The following LCLAT1 variants were observed in gnomAD, a reference collection of about 807,000 sequenced individuals.
LCLAT1 encodes the protein 1-AGP acyltransferase 8.
In LCLAT1, 11 loss-of-function variants were observed where a neutral mutation model predicts 30.7. The ratio of observed to expected loss-of-function variants is 0.36; its 90% CI spans 0.23 to 0.59. The LOEUF (loss-of-function observed/expected upper bound fraction) is 0.59, where lower values mean the gene tolerates loss of function less well. Among genes scored for constraint, LCLAT1 ranks in the 20% least tolerant of loss-of-function variants. LCLAT1 has a pLI of 0.77. For synonymous variants in LCLAT1, 155 were observed against 151.3 expected, an observed-to-expected ratio of 1.02 and a Z score of -0.18; for missense variants, 402 against 458.6, an observed-to-expected ratio of 0.88 and a Z score of 1.13.
At chr2:30,498,013 A>T (rs961527703) in intron 1 of LCLAT1, among the ~76,000 whole-genome samples, 1 of 152,140 alleles carries the variant, frequency 6.6e-6, no homozygotes, top group Non-Finnish European at 1.5e-5. Context: ...CTTGCCAGTT[A>T]TATGGTCTAG....
intron 5 of LCLAT1, among the ~76,000 whole-genome samples, chr2:30,627,025 A>G (rs1328669265): frequency 6.6e-6 from 1 of 152,232 alleles, no homozygotes; most frequent in East Asian, 1.9e-4. Context: ...TTTTTTATAA[A>G]TGCTCATGGT....
rs565028996 is a variant in LCLAT1, at chr2:30,638,318, G to A, written c.629-1799G>A. Among the ~76,000 whole-genome samples, 6 of 152,306 alleles carry A rather than the reference G, an allele frequency of 3.9e-5. No individual in the cohort carries two copies. The East Asian group carries it at 1.2e-3, about 29-fold the overall frequency. On this transcript the variant is annotated intron_variant, in intron 5 of 5. Transcript: ENST00000379509. ...TGAGGTAAAATGTAAAGAGTGAAATGTGCATGTCTTAAATGTGCAATCTGA... is the reference window on the plus strand; with the variant it reads ...TGAGGTAAAATGTAAAGAGTGAAATATGCATGTCTTAAATGTGCAATCTGA...
intron 5 of LCLAT1, among the ~76,000 whole-genome samples, chr2:30,586,174 G>A (rs1044340815): frequency 2.6e-4 from 39 of 151,154 alleles, no homozygotes; most frequent in Admixed American, 1.6e-3. Flanking sequence ...AACCCGGGAG[G>A]CGGAGCTTGC....
intron 3 of LCLAT1, chr2:30,552,510 C>T (rs1572614046): frequency 2.2e-6 from 1 of 447,036 alleles, no homozygotes; most frequent in Admixed American, 2.4e-5. Context: ...ACATTTGAAA[C>T]CTAATGATAC....
At chr2:30,535,632 G>A (rs545801147) in intron 3 of LCLAT1, among the ~76,000 whole-genome samples, 2 of 152,182 alleles carry the variant, frequency 1.3e-5, no homozygotes, top group Non-Finnish European at 2.9e-5. Context: ...CTACCCAACT[G>A]AGACTGTATG....
At chr2:30,456,758 C>G (rs1469855751) in intron 1 of LCLAT1, among the ~76,000 whole-genome samples, 1 of 152,084 alleles carries the variant, frequency 6.6e-6, no homozygotes, top group African/African-American at 2.4e-5. Context: ...TCCCAAGGTC[C>G]CTACCTGGTT....
chr2:30,550,726 C>T (rs13414468), intron 3 of LCLAT1, among the ~76,000 whole-genome samples: 19,252 of 152,120 alleles, frequency 0.13, 1,350 homozygotes, highest in South Asian at 0.23. Context: ...TTTACATACT[C>T]AATCCACTAA....
chr2:30,556,558 AC>A (rs1664926638), intron 3 of LCLAT1, among the ~76,000 whole-genome samples: 1 of 152,188 alleles, frequency 6.6e-6, no homozygotes, highest in South Asian at 2.1e-4. Flanking sequence ...AACAGCATAA[AC>A]TTTTATCATA....
intron 1 of LCLAT1, among the ~76,000 whole-genome samples, chr2:30,464,672 G>C (rs1205458278): frequency 6.6e-6 from 1 of 152,046 alleles, no homozygotes; most frequent in Non-Finnish European, 1.5e-5. Context: ...TTGTATTCTT[G>C]GGGCAAATGG....
chr2:30,623,298 C>A (rs1668355400), intron 5 of LCLAT1, among the ~76,000 whole-genome samples: 1 of 152,110 alleles, frequency 6.6e-6, no homozygotes, highest in Non-Finnish European at 1.5e-5. Context: ...TTGTGATCCA[C>A]CCGCCTTGGC....
chr2:30,619,494 C>G (rs1293091899), intron 5 of LCLAT1, among the ~76,000 whole-genome samples: 3 of 152,140 alleles, frequency 2.0e-5, no homozygotes, highest in African/African-American at 7.2e-5. Flanking sequence ...AAATATGAAA[C>G]TTTACAAGAT....
intron 3 of LCLAT1, among the ~76,000 whole-genome samples, chr2:30,560,327 T>TGTGTGTG (rs1453741640): frequency 7.0e-6 from 1 of 141,888 alleles, no homozygotes; most frequent in East Asian, 2.0e-4. Context: ...TGTGTGTGTA[T>TGTGTGTG]TATTTATTTA....
At chr2:30,466,491 T>A (rs1352137388) in intron 1 of LCLAT1, among the ~76,000 whole-genome samples, 2 of 152,204 alleles carry the variant, frequency 1.3e-5, no homozygotes, top group Non-Finnish European at 2.9e-5. Flanking sequence ...ATTTGACTGC[T>A]TGATTTTAAA....
intron 3 of LCLAT1, among the ~76,000 whole-genome samples, chr2:30,557,488 C>G (rs529999779): frequency 1.3e-5 from 2 of 151,898 alleles, no homozygotes; most frequent in South Asian, 4.2e-4. Flanking sequence ...AATCTTGGCT[C>G]ACTGCAACCT....
chr2:30,456,146 C>T (rs1681823632), intron 1 of LCLAT1, among the ~76,000 whole-genome samples: 1 of 152,172 alleles, frequency 6.6e-6, no homozygotes, highest in Non-Finnish European at 1.5e-5. Flanking sequence ...TTTTGAGGAA[C>T]TGATCCATTG....
intron 1 of LCLAT1, among the ~76,000 whole-genome samples, chr2:30,453,557 G>A (rs1186849465): frequency 6.6e-6 from 1 of 152,196 alleles, no homozygotes; most frequent in East Asian, 1.9e-4. Context: ...ACACCAAAAC[G>A]TTTCTTGACT....
At chr2:30,595,641 AATTTT>A (rs1392595026) in intron 5 of LCLAT1, among the ~76,000 whole-genome samples, 3 of 152,116 alleles carry the variant, frequency 2.0e-5, no homozygotes, top group East Asian at 1.9e-4. Context: ...ATATCAAGGT[AATTTT>A]ATTTTAAGTT....
At chr2:30,631,299 C>T (rs571463779) in intron 5 of LCLAT1, among the ~76,000 whole-genome samples, 1 of 152,314 alleles carries the variant, frequency 6.6e-6, no homozygotes, top group Admixed American at 6.5e-5. Context: ...CCTAGACATA[C>T]TCCTCTCATG....
chr2:30,534,733 C>G (rs1335436475), intron 3 of LCLAT1, among the ~76,000 whole-genome samples: 2 of 152,090 alleles, frequency 1.3e-5, no homozygotes, highest in Non-Finnish European at 2.9e-5. Context: ...ATTTTATGAC[C>G]TAGCCTTAGA....
Sources: gnomAD v4.1 joint callset for allele counts (sites outside exome capture counted in the v4.1 genomes callset) on GRCh38, gnomAD v4.1.1 for gene constraint, MANE v1.5 for transcripts, NCBI Gene and HGNC (gene_info 2026-07-23, HGNC 2026-07-21) for gene names.